COL28A1: variants seen among roughly 807,000 people sequenced by gnomAD.
COL28A1 encodes collagen type XXVIII alpha 1 chain.
A neutral mutation model predicts 150.2 loss-of-function variants in COL28A1; 161 were observed. The ratio of observed to expected loss-of-function variants is 1.07; its 90% CI spans 0.94 to 1.22. COL28A1 has a LOEUF of 1.22. COL28A1 is among the 50% of genes most tolerant of loss of function. COL28A1 has a pLI of 0.00. For synonymous variants in COL28A1, 552 were observed against 469.7 expected (o/e 1.18, Z -2.26); for missense variants, 1,617 against 1,388.3 (o/e 1.16, Z -2.62).
At chr7:7,429,473 TGG>T (rs748310656) in intron 25 of COL28A1, among the ~76,000 whole-genome samples, 5,133 of 107,018 alleles carry the variant, frequency 0.048, 360 homozygotes, top group African/African-American at 0.16. Flanking sequence ...TGTGTGTGTG[TGG>T]GGGGGGGGAT....
In COL28A1 at chr7:7,517,788, G is replaced by A. The variant is rs1402774120; in HGVS notation, c.855+8C>T. 1.2e-6 allele frequency: 2 copies of A among 1,613,674 alleles called. No homozygotes were observed. Among genetic ancestry groups the A allele is most frequent in the Middle Eastern group, 1.7e-4 (1 of 6,060 alleles). ...TTTCTTAGGAAGGCATTCCAGTTGT[G>A]TACATACCCCTGGACCTCTTTCTCC... On this transcript the variant is annotated splice_region_variant and intron_variant, in intron 7 of 34. Transcript: ENST00000399429.
chr7:7,451,050 G>A (rs933431707), intron 18 of COL28A1, among the ~76,000 whole-genome samples: 1 of 152,070 alleles, frequency 6.6e-6, no homozygotes, highest in Admixed American at 6.6e-5. Context: ...TGTGTGAGGA[G>A]AGAAGGGAGG....
chr7:7,495,540 C>T (rs964254748), intron 11 of COL28A1, among the ~76,000 whole-genome samples: 1 of 152,162 alleles, frequency 6.6e-6, no homozygotes, highest in East Asian at 1.9e-4. Context: ...CATCTTCCAG[C>T]CCTTCCCACC....
intron 13 of COL28A1, among the ~76,000 whole-genome samples, chr7:7,480,778 A>T (rs1252999962): frequency 1.3e-5 from 2 of 152,182 alleles, no homozygotes; most frequent in East Asian, 3.9e-4. Flanking sequence ...CATGGAGCTG[A>T]CAATATTGCA....
intron 21 of COL28A1, among the ~76,000 whole-genome samples, chr7:7,438,116 G>T (rs1785480552): frequency 6.6e-6 from 1 of 152,002 alleles, no homozygotes; most frequent in Non-Finnish European, 1.5e-5. Context: ...GCCAGACATG[G>T]TGGCATGTGC....
intron 13 of COL28A1, among the ~76,000 whole-genome samples, chr7:7,480,679 A>T (rs1275237561): frequency 6.6e-6 from 1 of 152,198 alleles, no homozygotes; most frequent in Admixed American, 6.5e-5. Flanking sequence ...AACTTTTTTC[A>T]TTCATCCAAC....
chr7:7,457,635 G>GA (rs981012719), intron 15 of COL28A1, among the ~76,000 whole-genome samples: 107 of 152,168 alleles, frequency 7.0e-4, no homozygotes, highest in African/African-American at 2.3e-3. Flanking sequence ...CCAAGTAATA[G>GA]AAAAAAGAGA....
At chr7:7,411,994 T>C (rs575129532) in intron 27 of COL28A1, among the ~76,000 whole-genome samples, 2,637 of 151,894 alleles carry the variant, frequency 0.017, 29 homozygotes, top group Middle Eastern at 0.065. Context: ...TTTCCATCCT[T>C]CCTAGAAACA....
intron 23 of COL28A1, among the ~76,000 whole-genome samples, chr7:7,434,955 A>G (rs927215109): frequency 2.6e-5 from 4 of 152,210 alleles, no homozygotes; most frequent in African/African-American, 4.8e-5. Context: ...ACATAAAATG[A>G]AATTAATGTG....
chr7:7,442,754 A>C (rs1785911816), intron 20 of COL28A1, among the ~76,000 whole-genome samples: 1 of 152,150 alleles, frequency 6.6e-6, no homozygotes, highest in Admixed American at 6.6e-5. Context: ...AATAGAAAGA[A>C]GCCCAGGCGC....
Position 7,358,589 on chromosome 7 carries a change from T to C in COL28A1, c.*44A>G. 1 of 1,570,478 alleles carries C rather than the reference T, an allele frequency of 6.4e-7. No homozygotes were observed. The highest frequency in any genetic ancestry group is 2.2e-5 in the East Asian group (1 of 44,624). On this transcript the variant is annotated 3_prime_UTR_variant, in exon 35 of 35. Coordinates refer to ENST00000399429, the MANE Select transcript of COL28A1 (RefSeq NM_001037763.3). ...TTGTATTGGGTGAATATGTGGAAAT[T>C]AGGGAGTTCTATGCTTTTGATAGAG...
chr7:7,437,466 A>T lies in COL28A1; in HGVS notation c.1723-4T>A, dbSNP rs958229345. The T allele has an allele frequency of 1.9e-6, 3 of 1,612,318 alleles. No individual in the cohort carries two copies. Among genetic ancestry groups the T allele is most frequent in the Non-Finnish European group, 2.5e-6 (3 of 1,179,552 alleles). ...GGCCCATAATGCCCGGTTCACCCTT[A>T]AAAAGAGCAAAATGCTCACTACATT... On this transcript the variant is annotated splice_region_variant and splice_polypyrimidine_tract_variant and intron_variant, in intron 21 of 34. Transcript: ENST00000399429.
At chr7:7,374,038 A>AAAAAAAAAAATATAT in intron 31 of COL28A1, among the ~76,000 whole-genome samples, 1 of 113,658 alleles carries the variant, frequency 8.8e-6, no homozygotes, top group African/African-American at 3.8e-5. Flanking sequence ...AAAAAAAAAA[A>AAAAAAAAAAATATAT]ATATATATAT....
the COL28A1 span, among the ~76,000 whole-genome samples, chr7:7,346,189 G>A: frequency 2.0e-5 from 3 of 151,644 alleles, no homozygotes; most frequent in African/African-American, 7.3e-5. Context: ...TTTTAGCCTT[G>A]GAACCCCTTA....
chr7:7,407,577 C>A (rs1783556257), intron 27 of COL28A1, among the ~76,000 whole-genome samples: 1 of 151,848 alleles, frequency 6.6e-6, no homozygotes, highest in Admixed American at 6.6e-5. Context: ...AAATTCTATT[C>A]TTAGGAAAAT....
rs866919329 is a variant in COL28A1, at chr7:7,507,175, T to C, written c.928-14A>G. On this transcript the variant is annotated splice_polypyrimidine_tract_variant and intron_variant, in intron 9 of 34. Transcript: ENST00000399429. The stretch of plus-strand genomic sequence containing the variant: ...CCCTGGGGATCCCTGTGGAATAAAA[T>C]TGAAAATAAGTCTCTCTAAATATAC... The C allele has an allele frequency of 9.0e-6, 10 of 1,114,732 alleles. No homozygotes were observed. The highest frequency in any genetic ancestry group is 3.9e-4 in the Middle Eastern group (2 of 5,100). 69.1% of individuals were successfully genotyped at this position (1,114,732 alleles called of 1,614,324 possible).
At chr7:7,346,918 G>A in the COL28A1 span, among the ~76,000 whole-genome samples, 2 of 152,110 alleles carry the variant, frequency 1.3e-5, no homozygotes, top group African/African-American at 4.8e-5. Flanking sequence ...TTTGATACTG[G>A]AAGGATAAGT....
At chr7:7,524,336 A>G (rs1781904929) in intron 3 of COL28A1, 87 bp from the exon 4 acceptor site, 2 of 813,336 alleles carry the variant, frequency 2.5e-6, no homozygotes, top group African/African-American at 1.7e-5. Context: ...CCTATGGGAT[A>G]TGAAGTTTCC....
chr7:7,432,767 A>G (rs1210075209), intron 23 of COL28A1, 67 bp from the exon 24 acceptor site: 2 of 1,233,788 alleles, frequency 1.6e-6, no homozygotes, highest in Non-Finnish European at 2.4e-6. Flanking sequence ...AAACTTAAGC[A>G]TAACACCAAC....
Sources: gnomAD v4.1 joint callset for allele counts (sites outside exome capture counted in the v4.1 genomes callset) on GRCh38, gnomAD v4.1.1 for gene constraint, MANE v1.5 for transcripts, NCBI Gene and HGNC (gene_info 2026-07-23, HGNC 2026-07-21) for gene names.